Variants in ZNF774 observed in about 807,000 individuals in gnomAD.
ZNF774 encodes the protein zinc finger protein 774.
ZNF774 carries 14 observed loss-of-function variants against 11.1 expected under a neutral mutation model. That is an observed-to-expected ratio of 1.26 (90% confidence interval 0.83 to 1.97). The LOEUF (loss-of-function observed/expected upper bound fraction) is 1.97, where lower values mean the gene tolerates loss of function less well. Ranked by LOEUF, ZNF774 falls within the 30% of genes most tolerant of loss-of-function variation. The probability of loss-of-function intolerance (pLI) is 0.00; values close to 1 mark genes in which losing one functional copy is unlikely to be tolerated. For missense variants in ZNF774, 599 were observed against 587.0 expected, an observed-to-expected ratio of 1.02 and a Z score of -0.21; for synonymous variants, 195 against 212.6, an observed-to-expected ratio of 0.92 and a Z score of 0.72.
Position 90,361,510 on chromosome 15 carries a change from T to C in ZNF774, c.*227T>C, listed in dbSNP as rs889743187. ...TGTGTGACTGACTCTTAGGGAAATG[T>C]GAGTTTAATAGTTGATGCCCGCCAG... On this transcript the variant is annotated 3_prime_UTR_variant, in exon 4 of 4. Transcript: ENST00000354377. The C allele has an allele frequency of 7.7e-7, 1 of 1,291,952 alleles. No individual in the cohort carries two copies. Among genetic ancestry groups the C allele is most frequent in the Non-Finnish European group, 9.8e-7 (1 of 1,019,766 alleles). The allele number at this position is 1,291,952 out of a possible 1,614,324, so 80.0% of individuals were successfully genotyped here. A position where few individuals can be genotyped will look rare whatever the true frequency, so the allele number is the denominator to read the frequency against.
In ZNF774 at chr15:90,354,654, C is replaced by T. The variant is rs190208658; in HGVS notation, c.-7C>T. On this transcript the variant is annotated 5_prime_UTR_variant, in exon 2 of 4. Transcript: ENST00000354377. ...TCTCTTGCTTTAGGAACTGATGACG[C>T]TTGATAATGTGGCTGGGGACTTCAG... is the stretch of plus-strand genomic sequence containing the variant. 3.7e-6 allele frequency: 6 copies of T among 1,602,514 alleles called. No homozygotes were observed. In the South Asian group the frequency reaches 5.6e-5, roughly 15 times the overall value.
At chr15:90,353,137 T>C (rs887174767) in intron 1 of ZNF774, among the ~76,000 whole-genome samples, 1 of 152,080 alleles carries the variant, frequency 6.6e-6, no homozygotes, top group Non-Finnish European at 1.5e-5. Flanking sequence ...CCGGCTAATT[T>C]TGTATTCTTA....
rs578152139 is a variant in ZNF774 at position 90,358,669 on chromosome 15, C to G, written c.105-182C>G. On this transcript the variant is annotated intron_variant, in intron 2 of 3. Transcript: ENST00000354377. Reference sequence around the variant, plus strand: ...GAGGAAAAGGGCTTTTTTTTCTTAACATTTTGGGGAAATCACCGTGTTTTA... The same window carrying G: ...GAGGAAAAGGGCTTTTTTTTCTTAAGATTTTGGGGAAATCACCGTGTTTTA... Among the ~76,000 whole-genome samples the G allele has an allele frequency of 3.6e-4, 55 of 151,992 alleles. 1 individual carries two copies. The highest frequency in any genetic ancestry group is 1.2e-3 in the African/African-American group (51 of 41,478).
rs758844176 is a variant in ZNF774, at chr15:90,360,497, C to T, written c.666C>T (p.Leu222=). ...CEKKFSDSST[L]IKHQRTHTGE... ...AGAAATTCAGCGACAGCTCAACACT[C>T]ATCAAACATCAGAGAACCCACACAG... The change falls in exon 4 of 4, where the codon CTC becomes CTT. Residue 222 remains leucine, a synonymous_variant. Coordinates refer to ENST00000354377, the MANE Select transcript of ZNF774 (RefSeq NM_001004309.3). 3 of 1,613,882 alleles carry T rather than the reference C, an allele frequency of 1.9e-6. No individual in the cohort carries two copies. The African/African-American group carries it at 4.0e-5, about 22-fold the overall frequency.
intron 1 of ZNF774, among the ~76,000 whole-genome samples, chr15:90,354,199 G>A (rs1223398024): frequency 6.6e-6 from 1 of 151,952 alleles, no homozygotes; most frequent in Non-Finnish European, 1.5e-5. Context: ...CACCAAATCT[G>A]CAAGCCAAGA....
rs201635569 is a variant in ZNF774 at position 90,362,555 on chromosome 15, G to A, written c.*1272G>A. ...CTCTGATCCTTTTAGGGCCATCCAG[G>A]TTATGCACTAGTACATTCCTACATT... On this transcript the variant is annotated 3_prime_UTR_variant, in exon 4 of 4. Transcript: ENST00000354377. The A allele has an allele frequency of 3.3e-6, 5 of 1,535,808 alleles. No individual in the cohort carries two copies. The highest frequency in any genetic ancestry group is 4.4e-6 in the Non-Finnish European group (5 of 1,146,802).
At chr15:90,352,659 TCTGA>T (rs1208227502) in intron 1 of ZNF774, among the ~76,000 whole-genome samples, 1 of 152,120 alleles carries the variant, frequency 6.6e-6, no homozygotes, top group East Asian at 1.9e-4. Flanking sequence ...TCTGTGACCC[TCTGA>T]CCGCCGCACC....
Position 90,362,726 on chromosome 15 carries a change from G to T in ZNF774, c.*1443G>T. On this transcript the variant is annotated 3_prime_UTR_variant, in exon 4 of 4. Coordinates refer to ENST00000354377, the MANE Select transcript of ZNF774 (RefSeq NM_001004309.3). ...GCCTCAAGTTTTACCTACCTCACAA[G>T]GTTGTTGTGAGGATCTAAAAATACA... 10 of 631,584 alleles carry T rather than the reference G, an allele frequency of 1.6e-5. No homozygotes were observed. The highest frequency in any genetic ancestry group is 3.1e-5 in the East Asian group (1 of 32,496). The allele number at this position is 631,584 out of a possible 1,614,324, so 39.1% of individuals were successfully genotyped here.
chr15:90,360,315 C>G lies in ZNF774; in HGVS notation c.484C>G (p.Gln162Glu), dbSNP rs1964309247. 6.2e-7 allele frequency: 1 copy of G among 1,614,048 alleles called. No individual in the cohort carries two copies. The highest frequency in any genetic ancestry group is 8.5e-7 in the Non-Finnish European group (1 of 1,180,044). The change falls in exon 4 of 4, where the codon CAG (glutamine) becomes GAG (glutamate). Residue 162 changes from glutamine to glutamate, a missense_variant. Physicochemically the swap from Gln to Glu is conservative, Grantham distance 29. Transcript: ENST00000354377. ...TGCAGAATGCGGGAAAAGCTTTAAC[C>G]AGAGTTCCTATCTCATAAGACACCT... ...MCAECGKSFN[Q>E]SSYLIRHLRT...
Position 90,360,026 on chromosome 15 carries a change from T to C in ZNF774, c.212-17T>C. On this transcript the variant is annotated splice_polypyrimidine_tract_variant and intron_variant, in intron 3 of 3. Transcript: ENST00000354377. The stretch of plus-strand genomic sequence containing the variant: ...AACTGATAACTTTATTCTCTGTTAC[T>C]TACATTAATTTTTCAGACTGTGAGC... 6.3e-7 allele frequency: 1 copy of C among 1,582,466 alleles called. No homozygotes were observed. The highest frequency in any genetic ancestry group is 8.6e-7 in the Non-Finnish European group (1 of 1,165,088).
chr15:90,356,013 G>A (rs1350256610), intron 2 of ZNF774, among the ~76,000 whole-genome samples: 1 of 134,368 alleles, frequency 7.4e-6, no homozygotes, highest in Non-Finnish European at 1.5e-5. Flanking sequence ...GGGCGACAGA[G>A]CAAGACTCCA....
chr15:90,362,293 AATGGCAGTGT>A lies in ZNF774; in HGVS notation c.*1023_*1032del, dbSNP rs1964347270. ...TGAAAGAATTTCAGAAGCTCTTTTA[AATGGCAGTGT>A]ATGGCAGTGTATCTACCAGAGGTTT... On this transcript the variant is annotated 3_prime_UTR_variant, in exon 4 of 4. Transcript: ENST00000354377. 2 of 415,922 alleles carry A rather than the reference AATGGCAGTGT, an allele frequency of 4.8e-6. No homozygotes were observed. The highest frequency in any genetic ancestry group is 3.8e-5 in the Admixed American group (1 of 26,602). 25.8% of individuals were successfully genotyped at this position (415,922 alleles called of 1,614,324 possible).
At position 90,361,415 on chromosome 15, in the gene ZNF774, T is replaced by G. The variant is rs11633137; in HGVS notation, c.*132T>G. ...TGATCTATTCTCCCTCTTTCTTGTC[T>G]ATGTTATAACAGAGAGGATAAACTT... On this transcript the variant is annotated 3_prime_UTR_variant, in exon 4 of 4. Coordinates refer to ENST00000354377, the MANE Select transcript of ZNF774 (RefSeq NM_001004309.3). 115 of 1,486,860 alleles carry G rather than the reference T, an allele frequency of 7.7e-5. No individual in the cohort carries two copies. Among genetic ancestry groups the G allele is most frequent in the Non-Finnish European group, 9.9e-5 (112 of 1,127,948 alleles). 92.1% of individuals were successfully genotyped at this position (1,486,860 alleles called of 1,614,324 possible).
intron 3 of ZNF774, 49 bp downstream of exon 3, chr15:90,359,006 T>C (rs1964285941): frequency 6.9e-7 from 1 of 1,446,876 alleles, no homozygotes; most frequent in Non-Finnish European, 9.6e-7. Context: ...ATTTCAGCCT[T>C]GTTTAGATGA....
chr15:90,357,611 G>T (rs1248268360), intron 2 of ZNF774, among the ~76,000 whole-genome samples: 2 of 152,146 alleles, frequency 1.3e-5, no homozygotes, highest in South Asian at 4.1e-4. Flanking sequence ...TCAATGTGTT[G>T]CCCAGGCTGG....
chr15:90,360,196 G>A lies in ZNF774; in HGVS notation c.365G>A (p.Gly122Glu). ...EQGLELEGQH[G>E]TLPGEGQLES... ...GGCCTAGAATTAGAAGGGCAACATGGAACCCTTCCAGGAGAGGGCCAGCTG... is the reference window on the plus strand; with the variant it reads ...GGCCTAGAATTAGAAGGGCAACATGAAACCCTTCCAGGAGAGGGCCAGCTG... The change falls in exon 4 of 4, where the codon GGA (glycine) becomes GAA (glutamate). Residue 122 changes from glycine (G) to glutamate (E), a missense_variant. Physicochemically the swap from Gly to Glu is moderately conservative, Grantham distance 98 (BLOSUM62 -2). Transcript: ENST00000354377. The A allele has an allele frequency of 1.2e-6, 2 of 1,614,188 alleles. No homozygotes were observed. The highest frequency in any genetic ancestry group is 1.7e-6 in the Non-Finnish European group (2 of 1,180,034).
Position 90,361,362 on chromosome 15 carries a change from C to T in ZNF774, c.*79C>T. 3 of 1,505,246 alleles carry T rather than the reference C, an allele frequency of 2.0e-6. No homozygotes were observed. Among genetic ancestry groups the T allele is most frequent in the Non-Finnish European group, 1.8e-6 (2 of 1,135,348 alleles). The allele number at this position is 1,505,246 out of a possible 1,614,324, so 93.2% of individuals were successfully genotyped here. ...TTCAAGCACCCCAAATAGAGAAAAC[C>T]TGGGCGTCAGTGGCTCAATTTGGGC... On this transcript the variant is annotated 3_prime_UTR_variant, in exon 4 of 4. Coordinates refer to ENST00000354377, the MANE Select transcript of ZNF774 (RefSeq NM_001004309.3).
rs59687959 is a variant in ZNF774 at position 90,362,748 on chromosome 15, TAC to T, written c.*1502_*1503del. ...CAAGGTTGTTGTGAGGATCTAAAAA[TAC>T]ACACACACACACACACACACACACA... is the stretch of plus-strand genomic sequence containing the variant. On this transcript the variant is annotated 3_prime_UTR_variant, in exon 4 of 4. Transcript: ENST00000354377. 0.18 allele frequency: 85,194 copies of T among 482,982 alleles called. 2,778 individuals carry two copies. The highest frequency in any genetic ancestry group is 0.31 in the East Asian group (9,354 of 29,750). 29.9% of individuals were successfully genotyped at this position (482,982 alleles called of 1,614,324 possible).
intron 2 of ZNF774, 84 bp from the exon 3 acceptor site, chr15:90,358,767 C>G: frequency 9.4e-7 from 1 of 1,068,146 alleles, no homozygotes; most frequent in Admixed American, 2.0e-5. Flanking sequence ...TCTTCCATAC[C>G]TAGGCAGGGA....
Sources: allele counts gnomAD v4.1 joint callset (sites outside exome capture counted in the v4.1 genomes callset), GRCh38; gene constraint gnomAD v4.1.1; transcripts MANE v1.5; gene names NCBI Gene and HGNC (gene_info 2026-07-23, HGNC 2026-07-21).